The following PHAF1 variants were observed in gnomAD, a reference collection of about 807,000 sequenced individuals.
PHAF1 encodes the protein phagophore assembly factor 1, also known as phagosome assembly factor 1.
In PHAF1, 23 loss-of-function variants were observed where a neutral mutation model predicts 63.1. The ratio of observed to expected loss-of-function variants is 0.36; its 90% CI spans 0.26 to 0.52. PHAF1 has a LOEUF of 0.52. Among genes scored for constraint, PHAF1 ranks in the 20% least tolerant of loss-of-function variants. The pLI is 0.93. For synonymous variants in PHAF1, 167 were observed against 185.0 expected (o/e 0.90, Z 0.79); for missense variants, 427 against 517.2 (o/e 0.83, Z 1.69).
intron 1 of PHAF1, among the ~76,000 whole-genome samples, chr16:67,110,711 G>T (rs1226519313): frequency 6.6e-6 from 1 of 152,192 alleles, no homozygotes; most frequent in African/African-American, 2.4e-5. Context: ...CCCTTTTTAG[G>T]AGGGGAAACC....
At chr16:67,123,388 C>G (rs961279853) in intron 2 of PHAF1, among the ~76,000 whole-genome samples, 1 of 151,768 alleles carries the variant, frequency 6.6e-6, no homozygotes, top group Admixed American at 6.6e-5. Context: ...ACCAGCCTGG[C>G]CAACATGGTG....
At chr16:67,143,231 C>T (rs971899635) in intron 10 of PHAF1, among the ~76,000 whole-genome samples, 1 of 152,206 alleles carries the variant, frequency 6.6e-6, no homozygotes, top group Non-Finnish European at 1.5e-5. Flanking sequence ...AAGTGGCCTT[C>T]AGCCCCTCAA....
chr16:67,116,615 G>A (rs535539976), intron 1 of PHAF1, among the ~76,000 whole-genome samples: 2 of 152,138 alleles, frequency 1.3e-5, no homozygotes, highest in Admixed American at 6.5e-5. Context: ...TTTAGAAAGC[G>A]GAGGTGGGAG....
At chr16:67,115,137 G>A (rs1283842896) in intron 1 of PHAF1, among the ~76,000 whole-genome samples, 1 of 152,180 alleles carries the variant, frequency 6.6e-6, no homozygotes, top group Non-Finnish European at 1.5e-5. Flanking sequence ...CGTGGTATAG[G>A]ACCTAAGTGT....
Position 67,145,410 on chromosome 16 carries a change from C to T in PHAF1, c.1041C>T (p.Thr347=), listed in dbSNP as rs774270090. The change falls in exon 13 of 16, where the codon ACC becomes ACT. Residue 347 remains threonine, a synonymous_variant. Transcript: ENST00000219139. ...ATGGTCAGACAGAAACATGCACGAC[C>T]TACAGCAAGGTGAGCACCTATCTTC... The part of the protein sequence containing the change: ...NADGQTETCT[T]YSKWDNIQEL... The T allele has an allele frequency of 1.2e-6, 2 of 1,614,166 alleles. No homozygotes were observed. Among genetic ancestry groups the T allele is most frequent in the South Asian group, 2.2e-5 (2 of 91,088 alleles).
intron 8 of PHAF1, among the ~76,000 whole-genome samples, chr16:67,138,805 C>T (rs1181372660): frequency 6.6e-6 from 1 of 152,166 alleles, no homozygotes; most frequent in Non-Finnish European, 1.5e-5. Context: ...TTGGAGGGCT[C>T]TGTCAGGTGT....
In PHAF1 at chr16:67,132,442, T is replaced by C. The variant is rs1295008614; in HGVS notation, c.276-4T>C. On this transcript the variant is annotated splice_polypyrimidine_tract_variant and splice_region_variant and intron_variant, in intron 4 of 15. Transcript: ENST00000219139. Reference sequence around the variant, plus strand: ...TAGTATTAAAAAATATTTTTGTTTTTCAGTGGCGTGCATTTTAATTCTCAG... The same window carrying C: ...TAGTATTAAAAAATATTTTTGTTTTCCAGTGGCGTGCATTTTAATTCTCAG... The C allele has an allele frequency of 6.3e-7, 1 of 1,596,858 alleles. No homozygotes were observed. Among genetic ancestry groups the C allele is most frequent in the African/African-American group, 1.3e-5 (1 of 74,454 alleles).
At chr16:67,119,001 C>T (rs540463967) in intron 1 of PHAF1, among the ~76,000 whole-genome samples, 4 of 152,048 alleles carry the variant, frequency 2.6e-5, no homozygotes, top group Non-Finnish European at 5.9e-5. Flanking sequence ...GTCTTAAATT[C>T]CTGGCCTCAG....
At chr16:67,131,433 T>TC in intron 4 of PHAF1, 104 bp downstream of exon 4, 1 of 849,840 alleles carries the variant, frequency 1.2e-6, no homozygotes. Flanking sequence ...AGATGTGAAT[T>TC]ATAGCCTGGT....
chr16:67,114,491 C>T (rs1962657433), intron 1 of PHAF1, among the ~76,000 whole-genome samples: 1 of 150,698 alleles, frequency 6.6e-6, no homozygotes, highest in African/African-American at 2.4e-5. Flanking sequence ...GGGACTTGAC[C>T]TGACCTAGGG....
At chr16:67,125,838 G>A in intron 2 of PHAF1, 121 bp from the exon 3 acceptor site, 1 of 712,652 alleles carries the variant, frequency 1.4e-6, no homozygotes, top group South Asian at 1.7e-5. Flanking sequence ...ATTAGCTGGA[G>A]GAGAGAGGGA....
chr16:67,110,029 C>G lies in PHAF1; in HGVS notation c.-147C>G, dbSNP rs549226010. ...GGTGAGGTGTGGTGTTGGGCCGGTG[C>G]TGCTGCCGCTGCCGCCGGGGAGGAG... is the stretch of plus-strand genomic sequence containing the variant. On this transcript the variant is annotated 5_prime_UTR_variant, in exon 1 of 16. Transcript: ENST00000219139. The G allele has an allele frequency of 2.7e-5, 21 of 767,306 alleles. No individual in the cohort carries two copies. In the African/African-American group the frequency reaches 2.8e-4, roughly 10 times the overall value. 47.5% of individuals were successfully genotyped at this position (767,306 alleles called of 1,614,324 possible).
intron 1 of PHAF1, among the ~76,000 whole-genome samples, chr16:67,116,096 G>C (rs1307343680): frequency 1.3e-5 from 2 of 152,122 alleles, no homozygotes; most frequent in Non-Finnish European, 2.9e-5. Context: ...TTCTGCACGT[G>C]GATGTTTGTC....
chr16:67,122,701 A>G (rs1225632449), intron 2 of PHAF1, among the ~76,000 whole-genome samples: 2 of 152,022 alleles, frequency 1.3e-5, no homozygotes, highest in East Asian at 3.8e-4. Context: ...AAAACAGTAT[A>G]GTTTCTTGAT....
intron 2 of PHAF1, among the ~76,000 whole-genome samples, 177 bp downstream of exon 2, chr16:67,120,371 T>G (rs895631491): frequency 1.3e-5 from 2 of 152,096 alleles, no homozygotes; most frequent in Non-Finnish European, 2.9e-5. Context: ...TGCTCTTGAT[T>G]ATCTAGTACA....
intron 1 of PHAF1, among the ~76,000 whole-genome samples, chr16:67,112,972 A>G (rs1962579867): frequency 6.6e-6 from 1 of 152,202 alleles, no homozygotes. Context: ...AGGTAGGGAT[A>G]GGTCTCGGAA....
chr16:67,110,393 G>A (rs1244022326), intron 1 of PHAF1, among the ~76,000 whole-genome samples, 154 bp downstream of exon 1: 1 of 151,862 alleles, frequency 6.6e-6, no homozygotes, highest in Non-Finnish European at 1.5e-5. Context: ...CTAGATACCC[G>A]CTCCAACTGG....
intron 2 of PHAF1, among the ~76,000 whole-genome samples, chr16:67,121,494 G>A (rs907791917): frequency 1.2e-4 from 18 of 151,562 alleles, no homozygotes; most frequent in African/African-American, 4.4e-4. Flanking sequence ...GAGCCACCGT[G>A]CCTGGCCAAG....
chr16:67,132,309 T>G, intron 4 of PHAF1, 137 bp from the exon 5 acceptor site: 2 of 760,684 alleles, frequency 2.6e-6, no homozygotes, highest in Non-Finnish European at 4.3e-6. Context: ...AAAAGTTCTC[T>G]AATTAAGCTT....
Sources: gnomAD v4.1 joint callset for allele counts (sites outside exome capture counted in the v4.1 genomes callset) on GRCh38, gnomAD v4.1.1 for gene constraint, MANE v1.5 for transcripts, NCBI Gene and HGNC (gene_info 2026-07-23, HGNC 2026-07-21) for gene names.